ARK2C: variants seen among roughly 807,000 people sequenced by gnomAD.
ARK2C encodes the protein E3 ubiquitin-protein ligase ARK2C.
chr18:46,382,916 A>T, the ARK2C span, among the ~76,000 whole-genome samples: 37 of 152,250 alleles, frequency 2.4e-4, no homozygotes, highest in Non-Finnish European at 4.3e-4. Context: ...CCATGAGCTC[A>T]TGTAGTCCCA....
At chr18:46,414,147 G>A in the ARK2C span, among the ~76,000 whole-genome samples, 3 of 152,200 alleles carry the variant, frequency 2.0e-5, no homozygotes, top group African/African-American at 7.2e-5. Flanking sequence ...TTGCAGGTCA[G>A]GAAGCTGAGG....
At chr18:46,378,851 A>G in the ARK2C span, among the ~76,000 whole-genome samples, 1 of 152,190 alleles carries the variant, frequency 6.6e-6, no homozygotes, top group Non-Finnish European at 1.5e-5. Context: ...TGCAGGATAG[A>G]GAGGTGCCCC....
At chr18:46,415,879 A>T in the ARK2C span, among the ~76,000 whole-genome samples, 1 of 152,186 alleles carries the variant, frequency 6.6e-6, no homozygotes, top group African/African-American at 2.4e-5. Flanking sequence ...AGCAGAGTTC[A>T]CGAGGGACCT....
chr18:46,395,312 G>A, the ARK2C span, among the ~76,000 whole-genome samples: 1 of 152,188 alleles, frequency 6.6e-6, no homozygotes, highest in East Asian at 1.9e-4. Flanking sequence ...CCAGAGACTG[G>A]ATTTCTTTAC....
chr18:46,452,942 G>C, the ARK2C span, among the ~76,000 whole-genome samples: 1 of 152,182 alleles, frequency 6.6e-6, no homozygotes, highest in Non-Finnish European at 1.5e-5. Context: ...GATCTCATTA[G>C]TAGCTACCAT....
At chr18:46,400,589 A>G in the ARK2C span, among the ~76,000 whole-genome samples, 1 of 152,150 alleles carries the variant, frequency 6.6e-6, no homozygotes, top group South Asian at 2.1e-4. Context: ...GCACCTGTTT[A>G]GGGTGGTTTC....
At chr18:46,417,544 T>C in the ARK2C span, among the ~76,000 whole-genome samples, 1 of 152,262 alleles carries the variant, frequency 6.6e-6, no homozygotes, top group Non-Finnish European at 1.5e-5. Context: ...CTTTACACAA[T>C]AGTTATCTTC....
the ARK2C span, among the ~76,000 whole-genome samples, chr18:46,428,270 G>A: frequency 1.3e-5 from 2 of 152,262 alleles, no homozygotes; most frequent in South Asian, 2.1e-4. Flanking sequence ...TTAGCTGGGT[G>A]TGGTGGCAGG....
chr18:46,388,336 A>G, the ARK2C span, among the ~76,000 whole-genome samples: 75 of 152,332 alleles, frequency 4.9e-4, 2 homozygotes, highest in South Asian at 0.015. Context: ...ACAAAACAAA[A>G]CAAAAACCTT....
At chr18:46,444,293 G>A in the ARK2C span, among the ~76,000 whole-genome samples, 1 of 151,870 alleles carries the variant, frequency 6.6e-6, no homozygotes, top group African/African-American at 2.4e-5. Flanking sequence ...TGAATTTATA[G>A]TTTTTATTAA....
chr18:46,455,927 C>A, the ARK2C span: 14 of 1,217,366 alleles, frequency 1.2e-5, no homozygotes, highest in Non-Finnish European at 4.8e-6. Flanking sequence ...CAGCCACCAG[C>A]TGAGTCTGCC....
chr18:46,397,961 GGTGT>G, the ARK2C span, among the ~76,000 whole-genome samples: 3 of 124,140 alleles, frequency 2.4e-5, no homozygotes, highest in African/African-American at 9.2e-5. Flanking sequence ...GTGCATGTGG[GGTGT>G]GTGTGTGTGG....
At chr18:46,411,969 GGCTAAAA>G in the ARK2C span, among the ~76,000 whole-genome samples, 1 of 152,220 alleles carries the variant, frequency 6.6e-6, no homozygotes, top group Non-Finnish European at 1.5e-5. Context: ...AGGCTCCCTG[GGCTAAAA>G]GCCTCTTGTC....
the ARK2C span, among the ~76,000 whole-genome samples, chr18:46,408,664 G>A: frequency 2.0e-5 from 3 of 152,338 alleles, no homozygotes; most frequent in East Asian, 5.8e-4. Context: ...GTTAATTAGA[G>A]CATCATCTTG....
At chr18:46,404,190 T>C in the ARK2C span, among the ~76,000 whole-genome samples, 1 of 152,202 alleles carries the variant, frequency 6.6e-6, no homozygotes, top group Admixed American at 6.5e-5. Context: ...TCTCGAAAAC[T>C]GCTCAATGTT....
the ARK2C span, chr18:46,386,159 A>G: frequency 3.3e-5 from 5 of 152,280 alleles, no homozygotes; most frequent in Non-Finnish European, 7.3e-5. Context: ...TTAGCTACCT[A>G]CATGCCAGGG....
chr18:46,342,813 G>GA, the ARK2C span, among the ~76,000 whole-genome samples: 1 of 151,920 alleles, frequency 6.6e-6, no homozygotes, highest in Non-Finnish European at 1.5e-5. Context: ...TAAATCAAAG[G>GA]AAAAAAAACC....
At chr18:46,422,589 C>T in the ARK2C span, among the ~76,000 whole-genome samples, 11 of 152,242 alleles carry the variant, frequency 7.2e-5, no homozygotes, top group African/African-American at 2.7e-4. Flanking sequence ...CTCCTTACTG[C>T]CATGCTTCTT....
chr18:46,338,591 T>C, the ARK2C span, among the ~76,000 whole-genome samples: 1 of 151,934 alleles, frequency 6.6e-6, no homozygotes, highest in Non-Finnish European at 1.5e-5. Context: ...CCAAATTGAG[T>C]TGAAAAAAGA....
Sources: gnomAD v4.1 joint callset for allele counts (sites outside exome capture counted in the v4.1 genomes callset) on GRCh38, gnomAD v4.1.1 for gene constraint, MANE v1.5 for transcripts, NCBI Gene and HGNC (gene_info 2026-07-23, HGNC 2026-07-21) for gene names.